The following PPP2R3A variants were observed in gnomAD, a reference collection of about 807,000 sequenced individuals.
The protein encoded by PPP2R3A is serine/threonine-protein phosphatase 2A regulatory subunit B'' subunit alpha.
PPP2R3A carries 80 observed loss-of-function variants against 106.9 expected under a neutral mutation model. The ratio of observed to expected loss-of-function variants is 0.75; its 90% CI spans 0.62 to 0.90. The LOEUF is 0.90. PPP2R3A is among the 40% of genes least tolerant of loss of function. The probability of loss-of-function intolerance (pLI) is 0.00; values close to 1 mark genes in which losing one functional copy is unlikely to be tolerated. For missense variants in PPP2R3A, 1,386 were observed against 1,350.4 expected (o/e 1.03, Z -0.41); for synonymous variants, 483 against 468.3 (o/e 1.03, Z -0.41).
At chr3:136,071,344 A>G (rs550965356) in intron 6 of PPP2R3A, among the ~76,000 whole-genome samples, 69 of 152,252 alleles carry the variant, frequency 4.5e-4, no homozygotes, top group African/African-American at 1.1e-3. Flanking sequence ...ACAAAATACT[A>G]CTGTTTTCTT....
At chr3:136,108,482 T>A (rs1382561993) in intron 13 of PPP2R3A, among the ~76,000 whole-genome samples, 1 of 152,080 alleles carries the variant, frequency 6.6e-6, no homozygotes, top group Admixed American at 6.6e-5. Flanking sequence ...GGAAAGCAAA[T>A]GGGATCTTAT....
chr3:135,966,231 A>G (rs1937080459), intron 1 of PPP2R3A, among the ~76,000 whole-genome samples: 1 of 152,174 alleles, frequency 6.6e-6, no homozygotes, highest in African/African-American at 2.4e-5. Context: ...TTAACAGGAA[A>G]GCCTGGCAGA....
rs1935242765 is a variant in PPP2R3A, at chr3:136,040,872, C to G, written c.2276C>G (p.Pro759Arg). Reference protein sequence around the residue: ...MGKIAKVCGCPLYWKAPMFRA... With the variant: ...MGKIAKVCGCRLYWKAPMFRA... ...TTCTATTTGCAGGTCTGTGGCTGTC[C>G]TCTCTATTGGAAAGCCCCCATGTTC... The change falls in exon 4 of 14, where the codon CCT becomes CGT. Residue 759 changes from proline (P) to arginine (R), a missense_variant. Pro to Arg is a moderately radical substitution (Grantham distance 103). Transcript: ENST00000264977. 6.2e-7 allele frequency: 1 copy of G among 1,612,572 alleles called. No individual in the cohort carries two copies. Among genetic ancestry groups the G allele is most frequent in the Non-Finnish European group, 8.5e-7 (1 of 1,179,436 alleles).
chr3:135,982,307 A>G (rs1002691956), intron 1 of PPP2R3A, among the ~76,000 whole-genome samples: 2 of 152,174 alleles, frequency 1.3e-5, no homozygotes, highest in Non-Finnish European at 2.9e-5. Context: ...TTCTTTGTCT[A>G]TATAATGGGT....
chr3:136,038,004 G>T (rs557117489), intron 3 of PPP2R3A, among the ~76,000 whole-genome samples: 2 of 151,434 alleles, frequency 1.3e-5, no homozygotes, highest in African/African-American at 4.8e-5. Flanking sequence ...GAAAAAGCTT[G>T]TTCTCTCTTC....
intron 5 of PPP2R3A, among the ~76,000 whole-genome samples, chr3:136,063,947 G>A (rs1397855192): frequency 6.7e-6 from 1 of 149,946 alleles, no homozygotes; most frequent in Non-Finnish European, 1.5e-5. Flanking sequence ...AAATCATGCT[G>A]CTATAAAGAC....
In PPP2R3A at chr3:136,013,093, A is replaced by G. The variant is rs532925153; in HGVS notation, c.1995+9600A>G. 1.1e-3 allele frequency among the ~76,000 whole-genome samples: 174 copies of G among 151,910 alleles called. 3 individuals carry two copies. In the South Asian group the frequency reaches 0.025, roughly 21 times the overall value. On this transcript the variant is annotated intron_variant, in intron 2 of 13. Transcript: ENST00000264977. ...ACTTCACCTACAATAGTAGTCTCCA[A>G]TTCCATCCAGGTTTCTGCGAATGCC...
At chr3:135,998,632 ATATAT>A (rs1337513946) in intron 1 of PPP2R3A, among the ~76,000 whole-genome samples, 1 of 152,186 alleles carries the variant, frequency 6.6e-6, no homozygotes, top group Non-Finnish European at 1.5e-5. Flanking sequence ...ACTGTGTGGA[ATATAT>A]TATAAGCAAA....
At chr3:136,040,689 C>G (rs928725398) in intron 3 of PPP2R3A, among the ~76,000 whole-genome samples, 170 bp from the exon 4 acceptor site, 2 of 133,928 alleles carry the variant, frequency 1.5e-5, no homozygotes, top group African/African-American at 3.1e-5. Context: ...CCCTCTGCCT[C>G]TCTCTGAATC....
intron 8 of PPP2R3A, among the ~76,000 whole-genome samples, chr3:136,086,828 G>A (rs971053066): frequency 1.3e-5 from 2 of 152,130 alleles, no homozygotes; most frequent in African/African-American, 2.4e-5. Context: ...AGAAGAATTC[G>A]ATGCTGATAG....
chr3:136,077,331 A>G (rs535026034), intron 6 of PPP2R3A, among the ~76,000 whole-genome samples: 1 of 152,206 alleles, frequency 6.6e-6, no homozygotes. Flanking sequence ...AAGGTGGTTT[A>G]GTCCCTCATT....
At chr3:135,967,126 A>G (rs916430184) in intron 1 of PPP2R3A, among the ~76,000 whole-genome samples, 5 of 152,036 alleles carry the variant, frequency 3.3e-5, no homozygotes, top group African/African-American at 1.2e-4. Context: ...ATTGCATCCA[A>G]ATGGCCCTTT....
chr3:136,056,789 A>C (rs1156228663), intron 5 of PPP2R3A, among the ~76,000 whole-genome samples: 1 of 152,184 alleles, frequency 6.6e-6, no homozygotes, highest in Non-Finnish European at 1.5e-5. Flanking sequence ...GTGAAAAGAA[A>C]ATCTACAGAA....
chr3:136,109,858 A>T (rs1195169771), intron 13 of PPP2R3A, among the ~76,000 whole-genome samples: 1 of 152,200 alleles, frequency 6.6e-6, no homozygotes, highest in African/African-American at 2.4e-5. Context: ...TCTTCATAGT[A>T]GAATGTATAA....
At chr3:136,111,373 T>C (rs1195012424) in intron 13 of PPP2R3A, among the ~76,000 whole-genome samples, 1 of 152,018 alleles carries the variant, frequency 6.6e-6, no homozygotes, top group Non-Finnish European at 1.5e-5. Flanking sequence ...AAAAATAAAA[T>C]GGAAAACTTT....
chr3:136,062,777 A>G (rs1936121127), intron 5 of PPP2R3A, among the ~76,000 whole-genome samples: 1 of 152,084 alleles, frequency 6.6e-6, no homozygotes, highest in South Asian at 2.1e-4. Flanking sequence ...TCAATAAGTT[A>G]AACAAATGGA....
At chr3:136,074,636 A>G (rs144858027) in intron 6 of PPP2R3A, among the ~76,000 whole-genome samples, 1 of 152,206 alleles carries the variant, frequency 6.6e-6, no homozygotes, top group East Asian at 1.9e-4. Context: ...TCTTTATGAC[A>G]CTGGTGCTGG....
At position 136,002,570 on chromosome 3, in the gene PPP2R3A, C is replaced by A. The variant is rs558421456; in HGVS notation, c.1072C>A (p.Pro358Thr). Residue 358 changes from proline (P) to threonine (T), a missense_variant, in exon 2 of 14, where the codon CCT (proline) becomes ACT (threonine). Coordinates refer to ENST00000264977, the MANE Select transcript of PPP2R3A (RefSeq NM_002718.5). ...FQTIELQNDKPNSRKMDTVQS... is the reference protein window; with the variant it reads ...FQTIELQNDKTNSRKMDTVQS... ...AACTATTGAATTGCAAAATGACAAG[C>A]CTAATTCTAGGAAGATGGACACTGT... is the stretch of plus-strand genomic sequence containing the variant. 23 of 1,613,808 alleles carry A rather than the reference C, an allele frequency of 1.4e-5. No homozygotes were observed. In the South Asian group the frequency reaches 2.3e-4, roughly 16 times the overall value.
At chr3:136,057,650 A>G (rs988376745) in intron 5 of PPP2R3A, among the ~76,000 whole-genome samples, 6 of 152,194 alleles carry the variant, frequency 3.9e-5, no homozygotes, top group Non-Finnish European at 7.4e-5. Context: ...AAGAATCTGA[A>G]TAGACATTGC....
Sources: allele counts gnomAD v4.1 joint callset (sites outside exome capture counted in the v4.1 genomes callset), GRCh38; gene constraint gnomAD v4.1.1; transcripts MANE v1.5; gene names NCBI Gene and HGNC (gene_info 2026-07-23, HGNC 2026-07-21).